PTPRS: variants seen among roughly 807,000 people sequenced by gnomAD.
PTPRS encodes the protein receptor-type tyrosine-protein phosphatase S.
Under a neutral mutation model 215.3 loss-of-function variants are expected in PTPRS, and 63 were observed. The ratio of observed to expected loss-of-function variants is 0.29; its 90% CI spans 0.24 to 0.36. The LOEUF (loss-of-function observed/expected upper bound fraction) is 0.36. PTPRS is among the 10% of genes least tolerant of loss of function. The pLI is 1.00. For synonymous variants in PTPRS, 1,404 were observed against 1,191.4 expected (o/e 1.18, Z -3.68); for missense variants, 2,258 against 2,825.8 (o/e 0.80, Z 4.56).
At chr19:5,245,489 G>C (rs1208135250) in intron 10 of PTPRS, among the ~76,000 whole-genome samples, 1 of 150,296 alleles carries the variant, frequency 6.7e-6, no homozygotes, top group Non-Finnish European at 1.5e-5. Flanking sequence ...GAAGGGGCCT[G>C]GCTATGTTGC....
Position 5,210,743 on chromosome 19 carries a change from C to A in PTPRS, c.5297G>T (p.Arg1766Leu), listed in dbSNP as rs768674983. 1 of 1,614,154 alleles carries A rather than the reference C, an allele frequency of 6.2e-7. No individual in the cohort carries two copies. Among genetic ancestry groups the A allele is most frequent in the Non-Finnish European group, 8.5e-7 (1 of 1,180,036 alleles). The change falls in exon 34 of 38, where the codon CGC (arginine) becomes CTC (leucine). Residue 1766 changes from arginine to leucine, a missense_variant. Physicochemically the swap from Arg to Leu is moderately radical, Grantham distance 102. This residue lies in a region of PTPRS where 927 missense variants were observed against 1,125.9 expected (regional missense o/e 0.82). Transcript: ENST00000262963. This position sits in a 1 kb window ranked among gnomAD's most constrained non-coding sequence, Gnocchi z 4.5. Reference sequence around the variant, plus strand: ...CGTCGAATTGTTCTCCCACAGCATGCGCCAGAAGTCTTCCGTGGTCTCCGC... The same window carrying A: ...CGTCGAATTGTTCTCCCACAGCATGAGCCAGAAGTCTTCCGTGGTCTCCGC... ...PLAETTEDFWRMLWENNSTIV... is the reference protein window; with the variant it reads ...PLAETTEDFWLMLWENNSTIV...
rs1219846031 is a variant in PTPRS, at chr19:5,287,964, G to GCGCA, written c.-94-1731_-94-1730insTGCG. Among the ~76,000 whole-genome samples, 17 of 133,362 alleles carry GCGCA rather than the reference G, an allele frequency of 1.3e-4. No homozygotes were observed. The highest frequency in any genetic ancestry group is 3.9e-4 in the African/African-American group (14 of 35,646). 87.5% of individuals were successfully genotyped at this position (133,362 alleles called of 152,430 possible). A position where few individuals can be genotyped will look rare whatever the true frequency, so the allele number is the denominator to read the frequency against. ...TCACACAGTCAGGCAGCAGAGACGG[G>GCGCA]CACACACACACACACACACACACAC... On this transcript the variant is annotated intron_variant, in intron 1 of 37. Coordinates refer to ENST00000262963, the MANE Select transcript of PTPRS (RefSeq NM_002850.4). This position sits in a 1 kb window ranked among gnomAD's most constrained non-coding sequence, Gnocchi z 4.8.
At chr19:5,236,525 G>C (rs1568443527) in intron 13 of PTPRS, among the ~76,000 whole-genome samples, 1 of 152,208 alleles carries the variant, frequency 6.6e-6, no homozygotes, top group Non-Finnish European at 1.5e-5. Flanking sequence ...CTTGCTCGTG[G>C]CAAGAGCATT....
chr19:5,206,361 T>G lies in PTPRS; in HGVS notation c.*413A>C. On this transcript the variant is annotated 3_prime_UTR_variant, in exon 38 of 38. Coordinates refer to ENST00000262963, the MANE Select transcript of PTPRS (RefSeq NM_002850.4). ...GCTGGATTCTGGTCCCAGCCCAGTG[T>G]CCCCAGGCTGCAGAGCGGGGAGGAG... 1 of 237,378 alleles carries G rather than the reference T, an allele frequency of 4.2e-6. No homozygotes were observed. Among genetic ancestry groups the G allele is most frequent in the Non-Finnish European group, 8.2e-6 (1 of 121,336 alleles). 14.7% of individuals were successfully genotyped at this position (237,378 alleles called of 1,614,324 possible).
In PTPRS at chr19:5,207,889, C is replaced by T. The variant is rs768526977; in HGVS notation, c.5778+33G>A. ...GCTTAGGGGCAGTCGGGGCGTGAGG[C>T]CAGGCTGCCTCCCCTCCCTGTCCCA... On this transcript the variant is annotated intron_variant, in intron 37 of 37. Coordinates refer to ENST00000262963, the MANE Select transcript of PTPRS (RefSeq NM_002850.4). 3.1e-6 allele frequency: 5 copies of T among 1,607,626 alleles called. No individual in the cohort carries two copies. In the East Asian group the frequency reaches 8.9e-5, roughly 29 times the overall value.
intron 2 of PTPRS, among the ~76,000 whole-genome samples, chr19:5,279,333 G>GTTATTTTTATTT (rs139410332): frequency 3.3e-5 from 5 of 150,904 alleles, no homozygotes; most frequent in African/African-American, 1.2e-4. Context: ...AATTGAAGAA[G>GTTATTTTTATTT]TTATTTTTAT....
chr19:5,279,205 A>G (rs986576293), intron 2 of PTPRS, among the ~76,000 whole-genome samples: 3 of 151,872 alleles, frequency 2.0e-5, no homozygotes, highest in African/African-American at 7.2e-5. Flanking sequence ...AGAAAAAAGG[A>G]AAAAGGGAAA....
chr19:5,309,460 G>A lies in PTPRS; in HGVS notation c.-94-23226C>T, dbSNP rs149945525. Among the ~76,000 whole-genome samples, 483 of 152,266 alleles carry A rather than the reference G, an allele frequency of 3.2e-3. 4 individuals carry two copies. Among genetic ancestry groups the A allele is most frequent in the African/African-American group, 0.011 (470 of 41,544 alleles). On this transcript the variant is annotated intron_variant, in intron 1 of 37. Coordinates refer to ENST00000262963, the MANE Select transcript of PTPRS (RefSeq NM_002850.4). Reference sequence around the variant, plus strand: ...ATGGGGAAACTGAGGCTGAGGATAGGATGTGCCTTGTCCAGAGCCAATGGC... The same window carrying A: ...ATGGGGAAACTGAGGCTGAGGATAGAATGTGCCTTGTCCAGAGCCAATGGC...
chr19:5,258,234 G>T, intron 7 of PTPRS, 107 bp from the exon 8 acceptor site: 1 of 917,342 alleles, frequency 1.1e-6, no homozygotes, highest in Non-Finnish European at 1.7e-6. Flanking sequence ...GTGCTGGCTG[G>T]GCCAGAGAGG....
Position 5,229,233 on chromosome 19 carries a change from A to G in PTPRS, c.2376+83T>C, listed in dbSNP as rs1220766157. ...GGAGGAGACCGTTTTACTACTGATG[A>G]TAAGGGGCGTGCAGGAGTCACAGCA... On this transcript the variant is annotated intron_variant, in intron 16 of 37. Coordinates refer to ENST00000262963, the MANE Select transcript of PTPRS (RefSeq NM_002850.4). 8 of 1,293,754 alleles carry G rather than the reference A, an allele frequency of 6.2e-6. 1 individual carries two copies. Among genetic ancestry groups the G allele is most frequent in the African/African-American group, 3.1e-5 (2 of 65,364 alleles). The allele number at this position is 1,293,754 out of a possible 1,614,324, so 80.1% of individuals were successfully genotyped here.
intron 26 of PTPRS, 53 bp from the exon 27 acceptor site, chr19:5,215,648 G>A (rs918468508): frequency 3.1e-6 from 4 of 1,299,706 alleles, no homozygotes; most frequent in East Asian, 2.4e-5. Context: ...GGCCAGCCGG[G>A]GACTCGGGGG....
intron 2 of PTPRS, among the ~76,000 whole-genome samples, chr19:5,275,378 TTTTTC>T (rs143081330): frequency 0.19 from 29,389 of 151,304 alleles, 2,906 homozygotes; most frequent in Admixed American, 0.28. Context: ...CCTTCTTTTC[TTTTTC>T]TTTTCTTTTT....
intron 2 of PTPRS, among the ~76,000 whole-genome samples, chr19:5,280,823 G>T (rs1483547065): frequency 6.6e-6 from 1 of 150,770 alleles, no homozygotes; most frequent in African/African-American, 2.4e-5. Flanking sequence ...ATGGAGTCTC[G>T]CTCTGTTGCC....
intron 1 of PTPRS, among the ~76,000 whole-genome samples, chr19:5,333,384 T>C (rs1324295221): frequency 1.3e-5 from 2 of 151,484 alleles, no homozygotes; most frequent in Non-Finnish European, 2.9e-5. Flanking sequence ...TGGATGCCTA[T>C]AGTCCCCAGC....
At chr19:5,320,961 G>A (rs560535390) in intron 1 of PTPRS, among the ~76,000 whole-genome samples, 2 of 152,098 alleles carry the variant, frequency 1.3e-5, no homozygotes, top group African/African-American at 4.8e-5. Context: ...CAGTCTCAAC[G>A]AATGAGAAGA....
intron 1 of PTPRS, among the ~76,000 whole-genome samples, chr19:5,331,904 C>T (rs1342708436): frequency 2.0e-5 from 3 of 152,212 alleles, no homozygotes; most frequent in Admixed American, 2.0e-4. Context: ...GTTCTCAGCA[C>T]TCTCTGTAAG....
chr19:5,240,470 G>A (rs1473176099), intron 11 of PTPRS, 138 bp from the exon 12 acceptor site: 6 of 835,304 alleles, frequency 7.2e-6, no homozygotes, highest in Non-Finnish European at 1.0e-5. Flanking sequence ...TGGGGACCTC[G>A]CCCCCATCCC....
At position 5,257,081 on chromosome 19, in the gene PTPRS, A is replaced by T. The variant is rs2045611816; in HGVS notation, c.706+936T>A. 6.6e-6 allele frequency among the ~76,000 whole-genome samples: 1 copy of T among 150,938 alleles called. No homozygotes were observed. Among genetic ancestry groups the T allele is most frequent in the Admixed American group, 6.6e-5 (1 of 15,074 alleles). On this transcript the variant is annotated intron_variant, in intron 8 of 37. Transcript: ENST00000262963. The surrounding 1 kb of genome is among the most constrained non-coding windows in gnomAD (Gnocchi z 4.4). ...AATCTGATCAGAAACAGCGACTAGG[A>T]GGTGAAAGGGAGGAGGAGGAGGAAG...
At position 5,215,565 on chromosome 19, in the gene PTPRS, G is replaced by A. The variant is rs2041349543; in HGVS notation, c.4127C>T (p.Ala1376Val). The A allele has an allele frequency of 6.2e-7, 1 of 1,611,066 alleles. No individual in the cohort carries two copies. Among genetic ancestry groups the A allele is most frequent in the Non-Finnish European group, 8.5e-7 (1 of 1,177,974 alleles). The change falls in exon 27 of 38, where the codon GCA (alanine) becomes GTA (valine). Residue 1376 changes from alanine to valine, a missense_variant. By Grantham distance (64) the Ala-to-Val change is moderately conservative (BLOSUM62 0). This residue lies in a region of PTPRS where 927 missense variants were observed against 1,125.9 expected (regional missense o/e 0.82). Transcript: ENST00000262963. ...CCGCTCCGTGTGCTCCGCCATGTCT[G>A]CGATGGGAATTGGCGGGTGGCTAAG... ...SMLSHPPIPI[A>V]DMAEHTERLK...
Sources: allele counts gnomAD v4.1 joint callset (sites outside exome capture counted in the v4.1 genomes callset), GRCh38; gene constraint gnomAD v4.1.1; regional missense constraint gnomAD v4.1.1; non-coding constraint Gnocchi (gnomAD v3.1); transcripts MANE v1.5; gene names NCBI Gene and HGNC (gene_info 2026-07-23, HGNC 2026-07-21).